SIK3: variants seen among roughly 807,000 people sequenced by gnomAD.
SIK3 encodes serine/threonine-protein kinase SIK3.
Under a neutral mutation model 144.2 loss-of-function variants are expected in SIK3, and 28 were observed. The ratio of observed to expected loss-of-function variants is 0.19; its 90% CI spans 0.14 to 0.27. The LOEUF (loss-of-function observed/expected upper bound fraction) is 0.27, where lower values mean the gene tolerates loss of function less well. Ranked by LOEUF, SIK3 falls within the 10% of genes least tolerant of loss-of-function variation. The pLI, the probability that SIK3 is intolerant of heterozygous loss-of-function variation, is 1.00. For missense variants in SIK3, 1,319 were observed against 1,776.0 expected, an observed-to-expected ratio of 0.74 and a Z score of 4.62; for synonymous variants, 686 against 676.3, an observed-to-expected ratio of 1.01 and a Z score of -0.22.
At chr11:117,045,798 T>C (rs572380461) in intron 1 of SIK3, among the ~76,000 whole-genome samples, 1 of 152,348 alleles carries the variant, frequency 6.6e-6, no homozygotes, top group South Asian at 2.1e-4. Flanking sequence ...TATTTTGGCA[T>C]CTGTTTCTTA....
intron 6 of SIK3, among the ~76,000 whole-genome samples, chr11:116,881,447 T>C (rs482371): frequency 0.45 from 68,938 of 152,162 alleles, 18,900 homozygotes; most frequent in Non-Finnish European, 0.63. Context: ...TGGATGACTT[T>C]GTGGGGAGAG....
At chr11:116,988,215 G>A (rs1406041593) in intron 1 of SIK3, among the ~76,000 whole-genome samples, 2 of 151,656 alleles carry the variant, frequency 1.3e-5, no homozygotes. Flanking sequence ...ATGAAACCCC[G>A]TCTCTACTAA....
At position 117,070,485 on chromosome 11, in the gene SIK3, C is replaced by T. The variant is rs546855092; in HGVS notation, c.273+27658G>A. Among the ~76,000 whole-genome samples, 3 of 150,414 alleles carry T rather than the reference C, an allele frequency of 2.0e-5. No homozygotes were observed. In the East Asian group the frequency reaches 5.8e-4, roughly 29 times the overall value. On this transcript the variant is annotated intron_variant, in intron 1 of 24. Transcript: ENST00000445177. ...TTTTGAGACAGAGTTTCACTCTTGTCGCCCAGGCTGGAGTGCAATGGCACG... is the reference window on the plus strand; with the variant it reads ...TTTTGAGACAGAGTTTCACTCTTGTTGCCCAGGCTGGAGTGCAATGGCACG...
At position 116,863,796 on chromosome 11, in the gene SIK3, T is replaced by C; in HGVS notation, c.1975A>G (p.Thr659Ala). The part of the protein sequence containing the change: ...QHRSTYKDSN[T>A]LHLPTERFSP... ...AAACGCTCCGTAGGGAGGTGCAGAG[T>C]GTTGGAGTCCTTGTAGGTAGAGCTG... is the stretch of plus-strand genomic sequence containing the variant. Residue 659 changes from threonine (T) to alanine (A), a missense_variant, in exon 16 of 25, where the codon ACT becomes GCT. Thr to Ala is a moderately conservative substitution (Grantham distance 58, BLOSUM62 0). Coordinates refer to ENST00000445177, the MANE Select transcript of SIK3 (RefSeq NM_001366686.3). 2 of 1,612,946 alleles carry C rather than the reference T, an allele frequency of 1.2e-6. No homozygotes were observed. Among genetic ancestry groups the C allele is most frequent in the Non-Finnish European group, 1.7e-6 (2 of 1,179,424 alleles).
chr11:116,996,809 G>T (rs918551707), intron 1 of SIK3, among the ~76,000 whole-genome samples: 4 of 104,164 alleles, frequency 3.8e-5, no homozygotes, highest in African/African-American at 1.1e-4. Flanking sequence ...GCCAGAGGGA[G>T]ACTCTCTCTC....
chr11:116,999,631 AC>A (rs1165022122), intron 1 of SIK3, among the ~76,000 whole-genome samples: 1 of 151,552 alleles, frequency 6.6e-6, no homozygotes, highest in Non-Finnish European at 1.5e-5. Flanking sequence ...ATGGGGTTTC[AC>A]CAGGCTGGTC....
At chr11:116,988,884 A>T (rs1315943822) in intron 1 of SIK3, among the ~76,000 whole-genome samples, 1 of 151,492 alleles carries the variant, frequency 6.6e-6, no homozygotes, top group Non-Finnish European at 1.5e-5. Flanking sequence ...TCACTGAAAA[A>T]TCTAAAAGAA....
At position 116,859,303 on chromosome 11, in the gene SIK3, C is replaced by T; in HGVS notation, c.2727G>A (p.Leu909=). 4 of 1,612,696 alleles carry T rather than the reference C, an allele frequency of 2.5e-6. No individual in the cohort carries two copies. The highest frequency in any genetic ancestry group is 3.4e-6 in the Non-Finnish European group (4 of 1,179,024). The part of the protein sequence containing the change: ...MATLSYGHRP[L]SKQLSADSAE... ...CACTGTCAGCACTCAGCTGCTTGGA[C>T]AAGGGACGGTGCCCATAGCTGAGGG... Residue 909 remains leucine, a synonymous_variant, in exon 20 of 25, where the codon TTG becomes TTA. Coordinates refer to ENST00000445177, the MANE Select transcript of SIK3 (RefSeq NM_001366686.3).
intron 11 of SIK3, 22 bp from the exon 12 acceptor site, chr11:116,874,078 GAGA>G: frequency 6.2e-7 from 1 of 1,612,524 alleles, no homozygotes; most frequent in Non-Finnish European, 8.5e-7. Flanking sequence ...CAGAATGACA[GAGA>G]AGTTTAGTTA....
rs1941952130 is a variant in SIK3, at chr11:116,846,333, C to T, written c.*13+50G>A. On this transcript the variant is annotated intron_variant, in intron 24 of 24. Transcript: ENST00000445177. This position sits in a 1 kb window ranked among gnomAD's most constrained non-coding sequence, Gnocchi z 4.1. ...CTGAAGCTCCTGATGGGATTGGGAG[C>T]AGGCACTGGGCCACAGGGCTGGTTT... The T allele has an allele frequency of 1.3e-6, 2 of 1,576,310 alleles. No individual in the cohort carries two copies. The highest frequency in any genetic ancestry group is 2.2e-5 in the East Asian group (1 of 44,646).
intron 21 of SIK3, among the ~76,000 whole-genome samples, chr11:116,855,034 C>T (rs373748273): frequency 2.3e-3 from 310 of 134,136 alleles, no homozygotes; most frequent in African/African-American, 8.7e-3. Flanking sequence ...TGCAGTGAGC[C>T]GAGATCGTGC....
chr11:116,994,491 T>C (rs74460214), intron 1 of SIK3, among the ~76,000 whole-genome samples: 12,181 of 152,222 alleles, frequency 0.08, 626 homozygotes, highest in African/African-American at 0.13. Flanking sequence ...TTCTCACTTG[T>C]TACGGTGAGG....
In SIK3 at chr11:116,875,225, G is replaced by C; in HGVS notation, c.1360C>G (p.Pro454Ala). 1.2e-6 allele frequency: 2 copies of C among 1,614,182 alleles called. No homozygotes were observed. The highest frequency in any genetic ancestry group is 1.7e-6 in the Non-Finnish European group (2 of 1,180,020). The change falls in exon 11 of 25, where the codon CCT becomes GCT. Residue 454 changes from proline to alanine, a missense_variant. Pro to Ala is a conservative substitution (Grantham distance 27, BLOSUM62 -1). This residue lies in a region of SIK3 where 167 missense variants were observed against 263.3 expected (regional missense o/e 0.63). Coordinates refer to ENST00000445177, the MANE Select transcript of SIK3 (RefSeq NM_001366686.3). ...LNLDSDEGEEPSPEALVRYLS... is the reference protein window; with the variant it reads ...LNLDSDEGEEASPEALVRYLS... ...TAGCGCACCAATGCTTCAGGGGAAG[G>C]CTCTTCACCCTCATCACTGTCCAAA...
intron 4 of SIK3, among the ~76,000 whole-genome samples, chr11:116,920,255 T>C (rs1054112139): frequency 6.6e-6 from 1 of 151,516 alleles, no homozygotes; most frequent in African/African-American, 2.4e-5. Flanking sequence ...TCCCACATCC[T>C]AACCACGTGC....
intron 4 of SIK3, among the ~76,000 whole-genome samples, chr11:116,925,432 C>T (rs1300234515): frequency 1.3e-5 from 2 of 152,172 alleles, no homozygotes; most frequent in South Asian, 2.1e-4. Context: ...CTAAAGAATG[C>T]AGGTGACCTT....
chr11:117,052,003 G>T (rs956613987), intron 1 of SIK3, among the ~76,000 whole-genome samples: 15 of 151,962 alleles, frequency 9.9e-5, no homozygotes, highest in African/African-American at 3.1e-4. Flanking sequence ...TTAGCCGGTC[G>T]TGGTGGCAGG....
chr11:117,044,933 A>G (rs17092661), intron 1 of SIK3, among the ~76,000 whole-genome samples: 6,981 of 152,266 alleles, frequency 0.046, 533 homozygotes, highest in African/African-American at 0.16. Flanking sequence ...TAAGGCTAAT[A>G]AATAATTGGT....
chr11:116,963,499 T>C (rs1949420487), intron 1 of SIK3, among the ~76,000 whole-genome samples: 1 of 152,234 alleles, frequency 6.6e-6, no homozygotes, highest in Non-Finnish European at 1.5e-5. Context: ...ATACATAGCA[T>C]AGTCTCTGGA....
intron 1 of SIK3, among the ~76,000 whole-genome samples, chr11:116,964,071 C>T (rs61905679): frequency 0.16 from 24,458 of 152,038 alleles, 2,051 homozygotes; most frequent in Admixed American, 0.21. Context: ...TGCAGTGACA[C>T]GACCATAGCT....
Sources: gnomAD v4.1 joint callset for allele counts (sites outside exome capture counted in the v4.1 genomes callset) on GRCh38, gnomAD v4.1.1 for gene constraint, gnomAD v4.1.1 regional missense constraint, Gnocchi (gnomAD v3.1) non-coding constraint, MANE v1.5 for transcripts, NCBI Gene and HGNC (gene_info 2026-07-23, HGNC 2026-07-21) for gene names.